The following EXT1 variants were observed in gnomAD, a reference collection of about 807,000 sequenced individuals.
The protein encoded by EXT1 is exostosin glycosyltransferase 1.
In EXT1, 20 loss-of-function variants were observed where a neutral mutation model predicts 82.5. That is an observed-to-expected ratio of 0.24 (90% CI 0.17 to 0.35). EXT1 has a LOEUF of 0.35. EXT1 is among the 10% of genes least tolerant of loss of function. The pLI, the probability that EXT1 is intolerant of heterozygous loss-of-function variation, is 1.00. For synonymous variants in EXT1, 348 were observed against 350.8 expected (o/e 0.99, Z 0.09); for missense variants, 757 against 936.5 (o/e 0.81, Z 2.50).
intron 1 of EXT1, among the ~76,000 whole-genome samples, chr8:117,979,288 A>C (rs1027876151): frequency 4.6e-5 from 7 of 151,918 alleles, no homozygotes; most frequent in Non-Finnish European, 7.4e-5. Context: ...CAGGAGGCAG[A>C]GGTTGCACTG....
intron 1 of EXT1, among the ~76,000 whole-genome samples, chr8:118,044,553 G>A (rs749277270): frequency 6.6e-6 from 1 of 152,116 alleles, no homozygotes; most frequent in Non-Finnish European, 1.5e-5. Flanking sequence ...GATTACAGGA[G>A]TGCGCCATCA....
chr8:117,992,837 A>C (rs1219317645), intron 1 of EXT1, among the ~76,000 whole-genome samples: 18 of 152,214 alleles, frequency 1.2e-4, no homozygotes, highest in Non-Finnish European at 4.4e-5. Context: ...CCTGTATCTA[A>C]GTCTCTTCTT....
At chr8:117,820,394 A>T (rs1158056634) in intron 5 of EXT1, among the ~76,000 whole-genome samples, 5 of 152,138 alleles carry the variant, frequency 3.3e-5, no homozygotes, top group Non-Finnish European at 7.4e-5. Context: ...TATCTTGAAA[A>T]TTCAGTAAGT....
At chr8:117,979,611 A>G (rs1815143230) in intron 1 of EXT1, among the ~76,000 whole-genome samples, 1 of 152,160 alleles carries the variant, frequency 6.6e-6, no homozygotes, top group Non-Finnish European at 1.5e-5. Flanking sequence ...GGTAACACGA[A>G]CATGAAAAAG....
intron 1 of EXT1, among the ~76,000 whole-genome samples, chr8:117,903,407 A>G (rs1813485685): frequency 6.6e-6 from 1 of 152,206 alleles, no homozygotes; most frequent in Non-Finnish European, 1.5e-5. Context: ...AAGGGAGAAA[A>G]GAAAATACTC....
intron 1 of EXT1, among the ~76,000 whole-genome samples, chr8:117,920,784 T>C (rs992961188): frequency 3.9e-5 from 6 of 152,068 alleles, no homozygotes; most frequent in African/African-American, 7.2e-5. Flanking sequence ...TTAGCCACAA[T>C]TGTGCTGGGT....
chr8:117,873,973 A>G (rs1812922332), intron 1 of EXT1, among the ~76,000 whole-genome samples: 1 of 152,222 alleles, frequency 6.6e-6, no homozygotes. Flanking sequence ...ATATGCTACA[A>G]AGTGGCCTAG....
chr8:117,995,999 G>C (rs1044381177), intron 1 of EXT1, among the ~76,000 whole-genome samples: 1 of 152,176 alleles, frequency 6.6e-6, no homozygotes, highest in African/African-American at 2.4e-5. Context: ...AATATTTCTT[G>C]TCCTGGTGCT....
intron 8 of EXT1, among the ~76,000 whole-genome samples, chr8:117,807,710 T>C (rs1823259663): frequency 2.6e-5 from 4 of 152,170 alleles, no homozygotes; most frequent in Admixed American, 2.6e-4. Context: ...TGCACGTGCC[T>C]TGATTCACGT....
chr8:117,992,951 C>T (rs369906160), intron 1 of EXT1, among the ~76,000 whole-genome samples: 9 of 152,218 alleles, frequency 5.9e-5, no homozygotes, highest in East Asian at 5.8e-4. Context: ...GCTTCACAGA[C>T]AGCATCTTAG....
chr8:117,830,175 G>C (rs1413586935), intron 4 of EXT1, 55 bp downstream of exon 4: 8 of 1,611,100 alleles, frequency 5.0e-6, no homozygotes, highest in South Asian at 1.1e-5. Flanking sequence ...AGAAGGCTGA[G>C]AGAAGTGTAT....
At chr8:117,877,079 T>G (rs1812984413) in intron 1 of EXT1, among the ~76,000 whole-genome samples, 1 of 152,214 alleles carries the variant, frequency 6.6e-6, no homozygotes, top group African/African-American at 2.4e-5. Context: ...AAACCAGCCC[T>G]AATGACTGAG....
intron 1 of EXT1, among the ~76,000 whole-genome samples, chr8:118,091,483 A>C (rs892581292): frequency 1.3e-5 from 2 of 152,208 alleles, no homozygotes; most frequent in Non-Finnish European, 2.9e-5. Context: ...TCACGCCTGT[A>C]ATCCCAGCAC....
At chr8:118,088,047 C>G (rs1817456016) in intron 1 of EXT1, among the ~76,000 whole-genome samples, 1 of 151,682 alleles carries the variant, frequency 6.6e-6, no homozygotes, top group Non-Finnish European at 1.5e-5. Flanking sequence ...TTGAAGCCAG[C>G]AGGTAGAGAG....
intron 10 of EXT1, among the ~76,000 whole-genome samples, chr8:117,800,140 C>G (rs1019767374): frequency 6.6e-6 from 1 of 152,208 alleles, no homozygotes; most frequent in African/African-American, 2.4e-5. Context: ...CTTTAATTCT[C>G]TAAAATTTAT....
In EXT1 at chr8:117,894,155, C is replaced by A. The variant is rs145456980; in HGVS notation, c.963-56954G>T. ...AAATCTGTTTTTACTACTCTAATCA[C>A]TCTCTGGTTTTGGTTTTTCTTTCTT... is the stretch of plus-strand genomic sequence containing the variant. On this transcript the variant is annotated intron_variant, in intron 1 of 10. Transcript: ENST00000378204. Among the ~76,000 whole-genome samples, 150 of 152,206 alleles carry A rather than the reference C, an allele frequency of 9.9e-4. 1 individual carries two copies. Among genetic ancestry groups the A allele is most frequent in the African/African-American group, 3.5e-3 (145 of 41,524 alleles).
intron 1 of EXT1, among the ~76,000 whole-genome samples, chr8:117,963,479 G>A (rs1027838165): frequency 1.3e-5 from 2 of 151,920 alleles, no homozygotes; most frequent in African/African-American, 2.4e-5. Flanking sequence ...TGGTGGTGGT[G>A]GTGGTTTTTC....
At chr8:117,939,571 GAAAAAA>G (rs11420757) in intron 1 of EXT1, among the ~76,000 whole-genome samples, 2 of 122,880 alleles carry the variant, frequency 1.6e-5, no homozygotes, top group Non-Finnish European at 3.2e-5. Flanking sequence ...CTCCATCTCT[GAAAAAA>G]AAAAAAAAAG....
chr8:118,051,275 C>CT (rs1187114115), intron 1 of EXT1, among the ~76,000 whole-genome samples: 1 of 152,096 alleles, frequency 6.6e-6, no homozygotes, highest in Non-Finnish European at 1.5e-5. Flanking sequence ...GAGGTCGAGG[C>CT]TGCAGTGAGC....
Sources: allele counts gnomAD v4.1 joint callset (sites outside exome capture counted in the v4.1 genomes callset), GRCh38; gene constraint gnomAD v4.1.1; transcripts MANE v1.5; gene names NCBI Gene and HGNC (gene_info 2026-07-23, HGNC 2026-07-21).